SDK1: variants seen among roughly 807,000 people sequenced by gnomAD.
The protein encoded by SDK1 is protein sidekick-1.
In SDK1, 157 loss-of-function variants were observed where a neutral mutation model predicts 245.5. The observed-to-expected ratio is 0.64, with a 90% confidence interval of 0.56 to 0.73. The LOEUF (loss-of-function observed/expected upper bound fraction) is 0.73. SDK1 is among the 30% of genes least tolerant of loss of function. The pLI, the probability that SDK1 is intolerant of heterozygous loss-of-function variation, is 0.00. For missense variants in SDK1, 3,583 were observed against 3,002.3 expected (o/e 1.19, Z -4.52); for synonymous variants, 1,647 against 1,278.5 (o/e 1.29, Z -6.15).
intron 1 of SDK1, among the ~76,000 whole-genome samples, chr7:3,540,522 A>G (rs112083434): frequency 1.3e-4 from 19 of 151,230 alleles, no homozygotes; most frequent in Admixed American, 4.6e-4. Flanking sequence ...CAGAGAGAGA[A>G]GTGACTCTGA....
intron 1 of SDK1, among the ~76,000 whole-genome samples, chr7:3,489,541 A>G (rs1583938545): frequency 6.6e-6 from 1 of 152,312 alleles, no homozygotes; most frequent in East Asian, 1.9e-4. Flanking sequence ...TCCAGCACTG[A>G]GTGCTGAATT....
intron 1 of SDK1, among the ~76,000 whole-genome samples, chr7:3,561,536 G>A (rs1201952272): frequency 1.3e-5 from 2 of 152,158 alleles, no homozygotes; most frequent in African/African-American, 2.4e-5. Context: ...CTAAGGTGGT[G>A]GTGGTGGTGT....
In SDK1 at chr7:3,901,304, A is replaced by C. The variant is rs547036788; in HGVS notation, c.848-49619A>C. Among the ~76,000 whole-genome samples, 12 of 151,942 alleles carry C rather than the reference A, an allele frequency of 7.9e-5. No homozygotes were observed. The South Asian group carries it at 2.5e-3, about 32-fold the overall frequency. The stretch of plus-strand genomic sequence containing the variant: ...CGGGTTCAAGCGATTCTCCTGCCTC[A>C]GCCTCCCGAGTAGCTGGGACTACAG... On this transcript the variant is annotated intron_variant, in intron 5 of 44. Transcript: ENST00000404826.
chr7:3,392,908 A>G (rs1206001973), intron 1 of SDK1, among the ~76,000 whole-genome samples: 1 of 144,680 alleles, frequency 6.9e-6, no homozygotes, highest in African/African-American at 2.6e-5. Flanking sequence ...TATTGCAAAT[A>G]TTGCTCATGA....
Position 3,455,808 on chromosome 7 carries a change from T to TA in SDK1, c.298+153931dup, listed in dbSNP as rs1222703542. ...TTTTAAATAGTCTTATCTGTGTCTG[T>TA]AAAAAAACTTTGCTGAGATTTTGAT... On this transcript the variant is annotated intron_variant, in intron 1 of 44. Coordinates refer to ENST00000404826, the MANE Select transcript of SDK1 (RefSeq NM_152744.4). 6.6e-5 allele frequency among the ~76,000 whole-genome samples: 10 copies of TA among 152,196 alleles called. No individual in the cohort carries two copies. In the South Asian group the frequency reaches 8.3e-4, roughly 13 times the overall value.
At chr7:3,691,583 G>A (rs772560417) in intron 4 of SDK1, among the ~76,000 whole-genome samples, 4 of 152,062 alleles carry the variant, frequency 2.6e-5, no homozygotes, top group Admixed American at 6.6e-5. Flanking sequence ...GTTTTCTGCC[G>A]GCATGATATT....
At chr7:3,406,449 C>G (rs1444332295) in intron 1 of SDK1, among the ~76,000 whole-genome samples, 1 of 152,144 alleles carries the variant, frequency 6.6e-6, no homozygotes, top group East Asian at 1.9e-4. Context: ...AATGGACTGG[C>G]TTGGCATATG....
intron 5 of SDK1, among the ~76,000 whole-genome samples, chr7:3,909,841 T>C (rs1180122351): frequency 6.6e-6 from 1 of 152,206 alleles, no homozygotes; most frequent in Non-Finnish European, 1.5e-5. Context: ...TCAGCCTTTT[T>C]TTGAATAAAA....
At chr7:3,688,826 C>T (rs958735286) in intron 4 of SDK1, among the ~76,000 whole-genome samples, 4 of 152,160 alleles carry the variant, frequency 2.6e-5, no homozygotes, top group Admixed American at 1.3e-4. Context: ...AGGCACACAC[C>T]GCTCATGGCC....
intron 1 of SDK1, among the ~76,000 whole-genome samples, chr7:3,432,007 G>T (rs1030313932): frequency 6.6e-6 from 1 of 151,522 alleles, no homozygotes; most frequent in African/African-American, 2.4e-5. Context: ...AAATATACCC[G>T]TTGAATAGAG....
rs377182799 is a variant in SDK1, at chr7:3,496,481, G to C, written c.299-122599G>C. On this transcript the variant is annotated intron_variant, in intron 1 of 44. Coordinates refer to ENST00000404826, the MANE Select transcript of SDK1 (RefSeq NM_152744.4). ...AACTTTTTTTTTTTTTAGCATTACTGAAAGAAGTTGTATGTACTTTATCTT... is the reference window on the plus strand; with the variant it reads ...AACTTTTTTTTTTTTTAGCATTACTCAAAGAAGTTGTATGTACTTTATCTT... Among the ~76,000 whole-genome samples, 18 of 149,938 alleles carry C rather than the reference G, an allele frequency of 1.2e-4. No individual in the cohort carries two copies. In the East Asian group the frequency reaches 2.7e-3, roughly 23 times the overall value.
At chr7:3,505,431 T>A (rs1191219448) in intron 1 of SDK1, among the ~76,000 whole-genome samples, 1 of 152,122 alleles carries the variant, frequency 6.6e-6, no homozygotes, top group East Asian at 1.9e-4. Context: ...GAAATCTTTT[T>A]GCAGGGATGG....
At chr7:3,346,538 A>G (rs1411190699) in intron 1 of SDK1, among the ~76,000 whole-genome samples, 2 of 151,596 alleles carry the variant, frequency 1.3e-5, no homozygotes, top group East Asian at 3.9e-4. Context: ...TTAATAGTCA[A>G]GGTCTCACTC....
At chr7:4,059,879 TTC>T (rs1390671147) in intron 19 of SDK1, among the ~76,000 whole-genome samples, 2 of 150,038 alleles carry the variant, frequency 1.3e-5, no homozygotes, top group African/African-American at 2.5e-5. Context: ...ATTTAAAAAT[TTC>T]TTTTTTTTTT....
chr7:3,883,448 T>C (rs970096525), intron 5 of SDK1, among the ~76,000 whole-genome samples: 7 of 152,194 alleles, frequency 4.6e-5, no homozygotes, highest in Admixed American at 4.6e-4. Flanking sequence ...TGTGTGCACA[T>C]GCAGGTGTGT....
intron 2 of SDK1, among the ~76,000 whole-genome samples, chr7:3,632,195 T>C (rs1033222244): frequency 6.6e-6 from 1 of 152,240 alleles, no homozygotes; most frequent in Admixed American, 6.5e-5. Context: ...ACAGTAGATT[T>C]GACAGACGGT....
At chr7:3,470,721 G>T (rs551806999) in intron 1 of SDK1, among the ~76,000 whole-genome samples, 3 of 152,160 alleles carry the variant, frequency 2.0e-5, no homozygotes, top group Admixed American at 1.3e-4. Context: ...GCCAGCAGGA[G>T]AATCCAGTTT....
chr7:3,672,512 C>T (rs1783733901), intron 4 of SDK1, among the ~76,000 whole-genome samples: 1 of 148,126 alleles, frequency 6.8e-6, no homozygotes, highest in East Asian at 2.0e-4. Context: ...GAAACCAGTA[C>T]CTAAATAAGT....
intron 1 of SDK1, among the ~76,000 whole-genome samples, chr7:3,604,106 T>G: frequency 6.6e-6 from 1 of 152,234 alleles, no homozygotes. Context: ...TGAGGATTTT[T>G]GCATCGATGT....
Sources: gnomAD v4.1 joint callset for allele counts (sites outside exome capture counted in the v4.1 genomes callset) on GRCh38, gnomAD v4.1.1 for gene constraint, MANE v1.5 for transcripts, NCBI Gene and HGNC (gene_info 2026-07-23, HGNC 2026-07-21) for gene names.